The following HBS1L variants were observed in gnomAD, a reference collection of about 807,000 sequenced individuals.
HBS1L encodes the protein HBS1 like translational GTPase, also known as HBS1-like protein.
HBS1L carries 55 observed loss-of-function variants against 88.9 expected under a neutral mutation model. The ratio of observed to expected loss-of-function variants is 0.62; its 90% CI spans 0.50 to 0.77. The LOEUF (loss-of-function observed/expected upper bound fraction) is 0.77. Ranked by LOEUF, HBS1L falls within the 30% of genes least tolerant of loss-of-function variation. The probability of loss-of-function intolerance (pLI) is 0.00; values close to 1 mark genes in which losing one functional copy is unlikely to be tolerated. For missense variants in HBS1L, 741 were observed against 829.3 expected, an observed-to-expected ratio of 0.89 and a Z score of 1.31; for synonymous variants, 267 against 288.5, an observed-to-expected ratio of 0.93 and a Z score of 0.76.
chr6:135,038,948 C>T (rs561808930), intron 4 of HBS1L, among the ~76,000 whole-genome samples: 7 of 152,036 alleles, frequency 4.6e-5, no homozygotes, highest in Non-Finnish European at 7.4e-5. Context: ...TTAAAAAGTT[C>T]TATAAGCTAC....
chr6:135,052,778 T>C (rs893689022), intron 1 of HBS1L, among the ~76,000 whole-genome samples: 1 of 152,128 alleles, frequency 6.6e-6, no homozygotes, highest in Admixed American at 6.5e-5. Context: ...ACTTAAAGTA[T>C]GGATTTTGCC....
chr6:134,999,448 C>CTTTTTTTTTTTTT (rs35807723), intron 5 of HBS1L, among the ~76,000 whole-genome samples: 8 of 124,776 alleles, frequency 6.4e-5, no homozygotes, highest in Non-Finnish European at 1.3e-4. Flanking sequence ...TTTTTCTTTT[C>CTTTTTTTTTTTTT]TTTTTTTTTT....
intron 4 of HBS1L, among the ~76,000 whole-genome samples, chr6:135,016,597 T>C (rs1775929881): frequency 6.6e-6 from 1 of 152,178 alleles, no homozygotes; most frequent in Non-Finnish European, 1.5e-5. Context: ...AATCTCAAAT[T>C]GCTAAAAATA....
intron 2 of HBS1L, among the ~76,000 whole-genome samples, chr6:135,047,940 T>C (rs1022566399): frequency 6.6e-6 from 1 of 152,206 alleles, no homozygotes; most frequent in Non-Finnish European, 1.5e-5. Flanking sequence ...GTGAAATTGT[T>C]TTATTCCTAA....
intron 16 of HBS1L, among the ~76,000 whole-genome samples, 179 bp from the exon 17 acceptor site, chr6:134,966,652 A>C (rs985899413): frequency 2.5e-4 from 37 of 147,494 alleles, no homozygotes; most frequent in Non-Finnish European, 1.8e-4. Context: ...TAGTTGAAAG[A>C]AATGAGGAGT....
chr6:135,035,013 A>G (rs1327902395), intron 4 of HBS1L, among the ~76,000 whole-genome samples: 5 of 152,202 alleles, frequency 3.3e-5, no homozygotes, highest in Admixed American at 3.3e-4. Flanking sequence ...GCTAGTTGAG[A>G]ACCACTGCTT....
chr6:134,985,355 G>C lies in HBS1L; in HGVS notation c.1478C>G (p.Ser493Cys). The C allele has an allele frequency of 6.2e-7, 1 of 1,605,344 alleles. No individual in the cohort carries two copies. The highest frequency in any genetic ancestry group is 2.2e-5 in the East Asian group (1 of 44,592). ...SIDKPFRLCV[S>C]DVFKDQGSGF... ...GTAGCACTTACCTTTGAAAACATCGGACACACATAATCTAAAAGGTTTGTC... is the reference window on the plus strand; with the variant it reads ...GTAGCACTTACCTTTGAAAACATCGCACACACATAATCTAAAAGGTTTGTC... The change falls in exon 12 of 18, where the codon TCC becomes TGC. Residue 493 changes from serine (S) to cysteine (C), a missense_variant. Coordinates refer to ENST00000367837, the MANE Select transcript of HBS1L (RefSeq NM_006620.4).
intron 4 of HBS1L, among the ~76,000 whole-genome samples, chr6:135,003,371 A>G (rs944429152): frequency 6.6e-6 from 1 of 152,144 alleles, no homozygotes; most frequent in Non-Finnish European, 1.5e-5. Context: ...TAAAGAATCT[A>G]GGGAAAGAGG....
At chr6:134,967,022 T>TA (rs1466864322) in intron 16 of HBS1L, among the ~76,000 whole-genome samples, 1 of 152,162 alleles carries the variant, frequency 6.6e-6, no homozygotes, top group Non-Finnish European at 1.5e-5. Flanking sequence ...CACACAGGAA[T>TA]AATAGTTCCT....
chr6:135,045,034 G>A (rs769037277), intron 2 of HBS1L, among the ~76,000 whole-genome samples: 17 of 151,792 alleles, frequency 1.1e-4, no homozygotes, highest in Non-Finnish European at 2.4e-4. Context: ...TATTTTGGAA[G>A]TAGTAATGGT....
rs554397259 is a variant in HBS1L at position 135,003,256 on chromosome 6, C to T, written c.431-414G>A. On this transcript the variant is annotated intron_variant, in intron 4 of 17. Coordinates refer to ENST00000367837, the MANE Select transcript of HBS1L (RefSeq NM_006620.4). Reference sequence around the variant, plus strand: ...GATGGCTAAACTATTTTTAATCCTGCGAGGTTTATGAACTGATGAACAAGT... The same window carrying T: ...GATGGCTAAACTATTTTTAATCCTGTGAGGTTTATGAACTGATGAACAAGT... Among the ~76,000 whole-genome samples the T allele has an allele frequency of 2.5e-4, 38 of 152,152 alleles. No homozygotes were observed. In the South Asian group the frequency reaches 7.5e-3, roughly 30 times the overall value.
In HBS1L at chr6:134,975,511, T is replaced by C. The variant is rs925430254; in HGVS notation, c.1797+3168A>G. Among the ~76,000 whole-genome samples, 37 of 152,128 alleles carry C rather than the reference T, an allele frequency of 2.4e-4. 1 individual carries two copies. On this transcript the variant is annotated intron_variant, in intron 15 of 17. Transcript: ENST00000367837. Reference sequence around the variant, plus strand: ...CACACTACCCTACTTCAAATTATACTACAGGCTATAATAACCAAAACAGCA... The same window carrying C: ...CACACTACCCTACTTCAAATTATACCACAGGCTATAATAACCAAAACAGCA...
intron 4 of HBS1L, chr6:135,036,881 T>C (rs1776568664): frequency 6.4e-7 from 1 of 1,551,554 alleles, no homozygotes. Context: ...TTGGAATTCT[T>C]CCCTAGCTTT....
rs1427992753 is a variant in HBS1L, at chr6:134,963,207, T to A, written c.*2072A>T. ...AACCCTCACACAACTGTTAGCTACA[T>A]GCTTTGTGTGATATTAACTTCACAC... On this transcript the variant is annotated 3_prime_UTR_variant, in exon 18 of 18. Coordinates refer to ENST00000367837, the MANE Select transcript of HBS1L (RefSeq NM_006620.4). 1 of 152,130 alleles carries A rather than the reference T, an allele frequency of 6.6e-6. No homozygotes were observed. The highest frequency in any genetic ancestry group is 2.4e-5 in the African/African-American group (1 of 41,426). 9.4% of individuals were successfully genotyped at this position (152,130 alleles called of 1,614,324 possible).
chr6:135,019,596 A>C (rs1053513391), intron 4 of HBS1L, among the ~76,000 whole-genome samples: 1 of 151,936 alleles, frequency 6.6e-6, no homozygotes, highest in Non-Finnish European at 1.5e-5. Context: ...ATTTCAACCT[A>C]GTCTTCAACT....
intron 8 of HBS1L, among the ~76,000 whole-genome samples, chr6:134,991,166 G>GA (rs1301199328): frequency 7.4e-6 from 1 of 135,174 alleles, no homozygotes; most frequent in Non-Finnish European, 1.7e-5. Flanking sequence ...AAGTATCAGT[G>GA]AGGGATTGGT....
intron 2 of HBS1L, among the ~76,000 whole-genome samples, chr6:135,043,308 A>G (rs1248699004): frequency 6.6e-6 from 1 of 152,240 alleles, no homozygotes; most frequent in African/African-American, 2.4e-5. Context: ...AGGTATTATT[A>G]GAGGTATTAT....
At chr6:135,049,582 A>G (rs1554233389) in intron 2 of HBS1L, among the ~76,000 whole-genome samples, 1 of 151,362 alleles carries the variant, frequency 6.6e-6, no homozygotes, top group Non-Finnish European at 1.5e-5. Flanking sequence ...TTTTTTTTCC[A>G]TTTTTTGAGA....
At position 134,986,729 on chromosome 6, in the gene HBS1L, A is replaced by T. The variant is rs747842292; in HGVS notation, c.1305+7T>A. On this transcript the variant is annotated splice_region_variant and intron_variant, in intron 10 of 17. Coordinates refer to ENST00000367837, the MANE Select transcript of HBS1L (RefSeq NM_006620.4). ...AGTAATAACAAATAAATCTAAAATG[A>T]TCTTACCTTAAAACCTGCTTGCTTA... The T allele has an allele frequency of 1.3e-6, 2 of 1,517,350 alleles. No individual in the cohort carries two copies. Among genetic ancestry groups the T allele is most frequent in the Non-Finnish European group, 1.8e-6 (2 of 1,118,104 alleles). The allele number at this position is 1,517,350 out of a possible 1,614,324, so 94.0% of individuals were successfully genotyped here.
Sources: gnomAD v4.1 joint callset for allele counts (sites outside exome capture counted in the v4.1 genomes callset) on GRCh38, gnomAD v4.1.1 for gene constraint, MANE v1.5 for transcripts, NCBI Gene and HGNC (gene_info 2026-07-23, HGNC 2026-07-21) for gene names.